FAT3: variants seen among roughly 807,000 people sequenced by gnomAD.
FAT3 encodes FAT atypical cadherin 3, also known as protocadherin Fat 3.
FAT3 carries 95 observed loss-of-function variants against 310.2 expected under a neutral mutation model. That is an observed-to-expected ratio of 0.31 (90% CI 0.26 to 0.36). The LOEUF (loss-of-function observed/expected upper bound fraction) is 0.36. Ranked by LOEUF, FAT3 falls within the 10% of genes least tolerant of loss-of-function variation. The pLI, the probability that FAT3 is intolerant of heterozygous loss-of-function variation, is 1.00. For synonymous variants in FAT3, 2,314 were observed against 2,192.9 expected (o/e 1.06, Z -1.54); for missense variants, 5,408 against 5,715.6 (o/e 0.95, Z 1.74).
chr11:92,373,760 G>GCACACACACA lies in FAT3; in HGVS notation c.3292+18397_3292+18406dup, dbSNP rs57651290. 1.9e-3 allele frequency among the ~76,000 whole-genome samples: 246 copies of GCACACACACA among 130,066 alleles called. 1 individual carries two copies. The highest frequency in any genetic ancestry group is 4.9e-3 in the African/African-American group (183 of 37,132). The allele number at this position is 130,066 out of a possible 152,430, so 85.3% of individuals were successfully genotyped here. A position where few individuals can be genotyped will look rare whatever the true frequency, so the allele number is the denominator to read the frequency against. ...AGACAGAACCAGTGGAGATATGTAT[G>GCACACACACA]CACACACACACACACACACACACAC... On this transcript the variant is annotated intron_variant, in intron 2 of 27. Transcript: ENST00000525166.
chr11:92,457,538 G>A (rs1212318451), intron 2 of FAT3, among the ~76,000 whole-genome samples: 1 of 152,016 alleles, frequency 6.6e-6, no homozygotes, highest in Non-Finnish European at 1.5e-5. Flanking sequence ...CGATATCCTG[G>A]CTTAAAAAAA....
At chr11:92,670,015 T>G (rs1843813263) in intron 3 of FAT3, among the ~76,000 whole-genome samples, 1 of 152,176 alleles carries the variant, frequency 6.6e-6, no homozygotes, top group African/African-American at 2.4e-5. Flanking sequence ...TTTGTGTCAG[T>G]TTTCTAAGCT....
chr11:92,778,824 G>A (rs577651979), intron 7 of FAT3, among the ~76,000 whole-genome samples: 3 of 152,078 alleles, frequency 2.0e-5, no homozygotes, highest in South Asian at 2.1e-4. Flanking sequence ...CTCTGTCACC[G>A]GGCTGCCATG....
rs773540084 is a variant in FAT3 at position 92,765,029 on chromosome 11, G to GAAAA, written c.4138_4139insAAAA (p.Ile1380LysfsTer12). On this transcript the variant is annotated frameshift_variant, in exon 6 of 28. Transcript: ENST00000525166. LOFTEE classifies it high-confidence loss of function. Reference sequence around the variant, plus strand: ...AGTCATGGAAAGTGATAGAGTGACTGAAATTGTAGGGGTGGTGTCTGTGCA... The same window carrying GAAAA: ...AGTCATGGAAAGTGATAGAGTGACTGAAAAAAATTGTAGGGGTGGTGTCTGTGCA... 1 of 1,613,804 alleles carries GAAAA rather than the reference G, an allele frequency of 6.2e-7. No homozygotes were observed. Among genetic ancestry groups the GAAAA allele is most frequent in the Admixed American group, 1.7e-5 (1 of 60,012 alleles).
chr11:92,317,016 T>C (rs999825916), intron 1 of FAT3, among the ~76,000 whole-genome samples: 2 of 152,206 alleles, frequency 1.3e-5, no homozygotes, highest in Non-Finnish European at 2.9e-5. Context: ...CTGATGATTC[T>C]GAATCTTGAC....
intron 2 of FAT3, among the ~76,000 whole-genome samples, chr11:92,520,557 A>G (rs1428667979): frequency 6.6e-6 from 1 of 152,022 alleles, no homozygotes; most frequent in Non-Finnish European, 1.5e-5. Flanking sequence ...TCAAGATGTG[A>G]TTTTGGCATT....
At chr11:92,271,977 T>C (rs1030835571) in intron 1 of FAT3, among the ~76,000 whole-genome samples, 1 of 152,112 alleles carries the variant, frequency 6.6e-6, no homozygotes. Context: ...GGGGGTAGTT[T>C]GTGTGAGACT....
chr11:92,503,946 T>C (rs1209892684), intron 2 of FAT3, among the ~76,000 whole-genome samples: 1 of 152,100 alleles, frequency 6.6e-6, no homozygotes, highest in East Asian at 1.9e-4. Flanking sequence ...GCAGAGGTTA[T>C]GGTGAAGGAG....
chr11:92,486,602 A>G lies in FAT3; in HGVS notation c.3293-38032A>G, dbSNP rs1422144276. ...TTTATGCTCTCTCTTAGACCTGCCC[A>G]AATGATTCCATCCGTATCTCCAGAA... On this transcript the variant is annotated intron_variant, in intron 2 of 27. Coordinates refer to ENST00000525166, the MANE Select transcript of FAT3 (RefSeq NM_001367949.2). 2.0e-5 allele frequency among the ~76,000 whole-genome samples: 3 copies of G among 152,152 alleles called. No individual in the cohort carries two copies. The East Asian group carries it at 5.8e-4, about 29-fold the overall frequency.
intron 19 of FAT3, among the ~76,000 whole-genome samples, chr11:92,846,752 C>T (rs979675896): frequency 3.3e-5 from 5 of 152,206 alleles, no homozygotes; most frequent in Admixed American, 3.3e-4. Context: ...CAGGCCCCAG[C>T]CATCCCAAGA....
chr11:92,347,580 G>A (rs944882609), intron 1 of FAT3, among the ~76,000 whole-genome samples: 8 of 152,122 alleles, frequency 5.3e-5, no homozygotes, highest in East Asian at 1.9e-4. Flanking sequence ...CAGAGAGGTA[G>A]TCTCTGTGAT....
intron 19 of FAT3, among the ~76,000 whole-genome samples, chr11:92,853,955 C>T (rs1051480399): frequency 6.6e-6 from 1 of 152,136 alleles, no homozygotes; most frequent in Non-Finnish European, 1.5e-5. Context: ...TCACTGGGGA[C>T]CTGCCCTTTT....
At chr11:92,837,863 G>T (rs1948446034) in intron 17 of FAT3, 57 bp downstream of exon 17, 1 of 1,604,720 alleles carries the variant, frequency 6.2e-7, no homozygotes, top group Admixed American at 1.7e-5. Flanking sequence ...TTCTTCCTCT[G>T]CTGTGGTTTA....
intron 3 of FAT3, among the ~76,000 whole-genome samples, chr11:92,583,391 A>G (rs1322476714): frequency 6.6e-6 from 1 of 152,044 alleles, no homozygotes; most frequent in Non-Finnish European, 1.5e-5. Flanking sequence ...GTCTGTGGAA[A>G]CCAGATCTAA....
chr11:92,454,961 G>A (rs1279942131), intron 2 of FAT3, among the ~76,000 whole-genome samples: 2 of 152,016 alleles, frequency 1.3e-5, no homozygotes, highest in Non-Finnish European at 1.5e-5. Context: ...AGGGAAATTT[G>A]ACTGAGGTCC....
At chr11:92,859,633 G>A (rs564548817) in intron 21 of FAT3, among the ~76,000 whole-genome samples, 1 of 152,194 alleles carries the variant, frequency 6.6e-6, no homozygotes, top group African/African-American at 2.4e-5. Context: ...TTCCACAACA[G>A]GGGTGGTCCT....
Position 92,538,833 on chromosome 11 carries a change from A to G in FAT3, c.3607+13885A>G, listed in dbSNP as rs367641168. Among the ~76,000 whole-genome samples, 19 of 152,268 alleles carry G rather than the reference A, an allele frequency of 1.2e-4. No homozygotes were observed. The East Asian group carries it at 3.5e-3, about 28-fold the overall frequency. ...TCTTATGGGACCTTTTTTTCTGGCAATAATGAATGGTTATAATATTTATTG... is the reference window on the plus strand; with the variant it reads ...TCTTATGGGACCTTTTTTTCTGGCAGTAATGAATGGTTATAATATTTATTG... On this transcript the variant is annotated intron_variant, in intron 3 of 27. Coordinates refer to ENST00000525166, the MANE Select transcript of FAT3 (RefSeq NM_001367949.2).
intron 4 of FAT3, among the ~76,000 whole-genome samples, chr11:92,705,447 G>GA (rs758840136): frequency 4.9e-4 from 37 of 75,130 alleles, no homozygotes; most frequent in African/African-American, 7.2e-4. Flanking sequence ...TGGTGGTGGT[G>GA]TGATGGTGGT....
rs568198274 is a variant in FAT3 at position 92,649,220 on chromosome 11, G to A, written c.3608-48164G>A. Among the ~76,000 whole-genome samples, 16 of 152,240 alleles carry A rather than the reference G, an allele frequency of 1.1e-4. No homozygotes were observed. In the East Asian group the frequency reaches 2.7e-3, roughly 26 times the overall value. On this transcript the variant is annotated intron_variant, in intron 3 of 27. Coordinates refer to ENST00000525166, the MANE Select transcript of FAT3 (RefSeq NM_001367949.2). ...TTGATTTCCATTAAACTTGTGTAGA[G>A]TTATGAATCTTAAAATGGAAGTTTA...
Sources: gnomAD v4.1 joint callset for allele counts (sites outside exome capture counted in the v4.1 genomes callset) on GRCh38, gnomAD v4.1.1 for gene constraint, MANE v1.5 for transcripts, NCBI Gene and HGNC (gene_info 2026-07-23, HGNC 2026-07-21) for gene names.